PRKD1: variants seen among roughly 807,000 people sequenced by gnomAD.
PRKD1 encodes the protein protein kinase D1.
A neutral mutation model predicts 95.9 loss-of-function variants in PRKD1; 63 were observed. The observed-to-expected ratio is 0.66, with a 90% confidence interval of 0.54 to 0.81. PRKD1 has a LOEUF of 0.81. Among genes scored for constraint, PRKD1 ranks in the 30% least tolerant of loss-of-function variants. The pLI is 0.00. For missense variants in PRKD1, 1,048 were observed against 1,165.3 expected, an observed-to-expected ratio of 0.90 and a Z score of 1.47; for synonymous variants, 425 against 423.1, an observed-to-expected ratio of 1.00 and a Z score of -0.05.
chr14:29,763,293 T>C (rs528864976), intron 1 of PRKD1, among the ~76,000 whole-genome samples: 2 of 141,754 alleles, frequency 1.4e-5, no homozygotes, highest in South Asian at 4.6e-4. Context: ...CAAGATACTG[T>C]CTCAAAAAAA....
chr14:29,606,951 T>C (rs1878019943), intron 13 of PRKD1, among the ~76,000 whole-genome samples: 1 of 152,218 alleles, frequency 6.6e-6, no homozygotes, highest in African/African-American at 2.4e-5. Context: ...TCTTCCCAGC[T>C]TCTGCCTTCA....
chr14:29,657,113 T>C (rs1283033576), intron 4 of PRKD1, among the ~76,000 whole-genome samples: 1 of 152,206 alleles, frequency 6.6e-6, no homozygotes, highest in Non-Finnish European at 1.5e-5. Context: ...TTGCATATTA[T>C]TATTTTCTAT....
intron 4 of PRKD1, among the ~76,000 whole-genome samples, chr14:29,653,637 G>T (rs1184893094): frequency 3.3e-5 from 5 of 151,926 alleles, no homozygotes; most frequent in African/African-American, 7.3e-5. Context: ...ATCTGGCCAT[G>T]TTGATTTATT....
chr14:29,901,458 G>A (rs1894314934), intron 1 of PRKD1, among the ~76,000 whole-genome samples: 2 of 152,208 alleles, frequency 1.3e-5, no homozygotes, highest in African/African-American at 2.4e-5. Context: ...CGCATTTAAC[G>A]AACCTGCACA....
chr14:29,593,082 A>G (rs1054428096), intron 16 of PRKD1, among the ~76,000 whole-genome samples: 11 of 152,122 alleles, frequency 7.2e-5, no homozygotes, highest in Admixed American at 2.0e-4. Flanking sequence ...TTCAAAATGG[A>G]AACAATAATA....
intron 13 of PRKD1, among the ~76,000 whole-genome samples, chr14:29,618,510 C>T (rs1281162776): frequency 2.0e-5 from 3 of 152,150 alleles, no homozygotes; most frequent in Non-Finnish European, 4.4e-5. Context: ...GCTGCCTCAG[C>T]CACACAACGT....
intron 13 of PRKD1, among the ~76,000 whole-genome samples, chr14:29,619,975 G>T (rs1879134329): frequency 1.3e-5 from 2 of 151,708 alleles, no homozygotes. Flanking sequence ...CCAAAACAGA[G>T]ACATAGATCA....
intron 1 of PRKD1, among the ~76,000 whole-genome samples, chr14:29,893,970 A>G (rs1343434760): frequency 6.6e-6 from 1 of 152,224 alleles, no homozygotes; most frequent in African/African-American, 2.4e-5. Flanking sequence ...ACCTCATGGA[A>G]CCCAGAATCT....
At chr14:29,887,288 G>A (rs1226339964) in intron 1 of PRKD1, among the ~76,000 whole-genome samples, 1 of 152,134 alleles carries the variant, frequency 6.6e-6, no homozygotes, top group Non-Finnish European at 1.5e-5. Flanking sequence ...CACAAAGATG[G>A]TCAAGTCTAG....
chr14:29,875,935 A>G (rs1893270112), intron 1 of PRKD1, among the ~76,000 whole-genome samples: 2 of 152,292 alleles, frequency 1.3e-5, no homozygotes, highest in Admixed American at 1.3e-4. Context: ...CTTTGACAGC[A>G]ACAGAATTCG....
intron 1 of PRKD1, among the ~76,000 whole-genome samples, chr14:29,788,391 T>C (rs1180322617): frequency 6.6e-6 from 1 of 152,184 alleles, no homozygotes; most frequent in East Asian, 1.9e-4. Context: ...TAATGTGCCT[T>C]GGAGAAGACC....
intron 1 of PRKD1, among the ~76,000 whole-genome samples, chr14:29,834,290 C>G (rs572039518): frequency 1.3e-5 from 2 of 152,144 alleles, no homozygotes; most frequent in South Asian, 2.1e-4. Context: ...TACCATTGAT[C>G]TACTTTGTTT....
chr14:29,897,620 T>C (rs1241922763), intron 1 of PRKD1, among the ~76,000 whole-genome samples: 6 of 152,120 alleles, frequency 3.9e-5, no homozygotes, highest in African/African-American at 7.2e-5. Context: ...ACGGAATTTT[T>C]ATAAAGATAA....
intron 2 of PRKD1, among the ~76,000 whole-genome samples, chr14:29,717,247 G>A (rs141291789): frequency 4.3e-4 from 65 of 152,086 alleles, no homozygotes; most frequent in African/African-American, 1.5e-3. Flanking sequence ...AAAATAAATC[G>A]TTCCTATTTC....
chr14:29,741,317 T>C (rs1333604581), intron 1 of PRKD1, among the ~76,000 whole-genome samples: 1 of 152,216 alleles, frequency 6.6e-6, no homozygotes, highest in African/African-American at 2.4e-5. Context: ...TTAATGTTTA[T>C]AAACTTGCCT....
intron 1 of PRKD1, among the ~76,000 whole-genome samples, chr14:29,878,808 G>A (rs1303960699): frequency 3.3e-5 from 5 of 152,068 alleles, no homozygotes; most frequent in Non-Finnish European, 7.4e-5. Flanking sequence ...TGATTGGGGT[G>A]ATGAAAAAGT....
At chr14:29,603,895 C>T (rs762086397) in intron 13 of PRKD1, among the ~76,000 whole-genome samples, 10 of 152,024 alleles carry the variant, frequency 6.6e-5, no homozygotes, top group Non-Finnish European at 1.0e-4. Flanking sequence ...AAACATTTGG[C>T]CAAGTACAGG....
At chr14:29,667,195 G>A (rs1882572061) in intron 2 of PRKD1, among the ~76,000 whole-genome samples, 1 of 152,010 alleles carries the variant, frequency 6.6e-6, no homozygotes, top group Non-Finnish European at 1.5e-5. Context: ...GAAGACCTGG[G>A]GGAAGCCTGA....
chr14:29,696,030 T>A (rs1292827107), intron 2 of PRKD1, among the ~76,000 whole-genome samples: 1 of 152,110 alleles, frequency 6.6e-6, no homozygotes, highest in African/African-American at 2.4e-5. Context: ...TTCTTAGGAG[T>A]GAGTGAGTCT....
Sources: allele counts gnomAD v4.1 joint callset (sites outside exome capture counted in the v4.1 genomes callset), GRCh38; gene constraint gnomAD v4.1.1; transcripts MANE v1.5; gene names NCBI Gene and HGNC (gene_info 2026-07-23, HGNC 2026-07-21).